The following ACTR3B variants were observed in gnomAD, a reference collection of about 807,000 sequenced individuals.
ACTR3B encodes the protein actin-related protein 3B.
A neutral mutation model predicts 59.0 loss-of-function variants in ACTR3B; 8 were observed. The observed-to-expected ratio is 0.14, with a 90% CI of 0.08 to 0.24. The LOEUF (loss-of-function observed/expected upper bound fraction) is 0.24, where lower values mean the gene tolerates loss of function less well. Ranked by LOEUF, ACTR3B falls within the 10% of genes least tolerant of loss-of-function variation. The probability of loss-of-function intolerance (pLI) is 1.00; values close to 1 mark genes in which losing one functional copy is unlikely to be tolerated. For missense variants in ACTR3B, 245 were observed against 552.3 expected, an observed-to-expected ratio of 0.44 and a Z score of 5.58; for synonymous variants, 148 against 197.9, an observed-to-expected ratio of 0.75 and a Z score of 2.12.
intron 9 of ACTR3B, among the ~76,000 whole-genome samples, chr7:152,828,597 C>T (rs1173459331): frequency 1.3e-5 from 2 of 152,170 alleles, no homozygotes; most frequent in Non-Finnish European, 2.9e-5. Context: ...GGTTAGAAGA[C>T]ATGCTGCAAA....
intron 2 of ACTR3B, among the ~76,000 whole-genome samples, chr7:152,798,709 G>A (rs929082660): frequency 1.3e-5 from 2 of 152,170 alleles, no homozygotes; most frequent in African/African-American, 2.4e-5. Context: ...TTTGTATATG[G>A]TTGAGAGATA....
In ACTR3B at chr7:152,785,380, G is replaced by GAGAGA. The variant is rs1563089766; in HGVS notation, c.100+2138_100+2139insAGAGA. Among the ~76,000 whole-genome samples, 40 of 4,930 alleles carry GAGAGA rather than the reference G, an allele frequency of 8.1e-3. 5 individuals are homozygous for GAGAGA. The highest frequency in any genetic ancestry group is 0.063 in the African/African-American group (39 of 622). The allele number at this position is 4,930 out of a possible 152,430, so 3.2% of individuals were successfully genotyped here. A position where few individuals can be genotyped will look rare whatever the true frequency, so the allele number is the denominator to read the frequency against. On this transcript the variant is annotated intron_variant, in intron 2 of 11. Coordinates refer to ENST00000256001, the MANE Select transcript of ACTR3B (RefSeq NM_020445.6). Reference sequence around the variant, plus strand: ...ATTGTTGGGCTGAGTTTGTTGTGAGGGGGGGGGGAGGGGAGGGGGAGGGGG... The same window carrying GAGAGA: ...ATTGTTGGGCTGAGTTTGTTGTGAGGAGAGAGGGGGGGGAGGGGAGGGGGAGGGGG...
intron 1 of ACTR3B, among the ~76,000 whole-genome samples, chr7:152,778,667 C>T (rs1015624608): frequency 7.3e-5 from 11 of 150,866 alleles, no homozygotes; most frequent in South Asian, 2.1e-4. Flanking sequence ...TAGCTGGGCT[C>T]GGTGGCTCAC....
intron 2 of ACTR3B, among the ~76,000 whole-genome samples, chr7:152,785,511 G>GAGAGAGAGAGGAGAGAGAA (rs1395722210): frequency 8.8e-6 from 1 of 113,054 alleles, no homozygotes; most frequent in East Asian, 3.1e-4. Context: ...GAGAGAGAGA[G>GAGAGAGAGAGGAGAGAGAA]GAGAGAGAAG....
At chr7:152,787,577 G>C (rs550621595) in intron 2 of ACTR3B, among the ~76,000 whole-genome samples, 118 of 152,000 alleles carry the variant, frequency 7.8e-4, no homozygotes, top group Admixed American at 3.1e-3. Flanking sequence ...TGTGAGTATG[G>C]TGTGAAGGAG....
chr7:152,794,825 T>G (rs2098210215), intron 2 of ACTR3B, among the ~76,000 whole-genome samples: 2 of 152,196 alleles, frequency 1.3e-5, no homozygotes, highest in Non-Finnish European at 2.9e-5. Flanking sequence ...CAGCCCGTGT[T>G]TCCACTTCAC....
chr7:152,835,213 A>G (rs1797350992), intron 9 of ACTR3B, among the ~76,000 whole-genome samples: 1 of 152,176 alleles, frequency 6.6e-6, no homozygotes, highest in African/African-American at 2.4e-5. Context: ...TCGTGACTGC[A>G]CTCATTCCCC....
intron 9 of ACTR3B, among the ~76,000 whole-genome samples, chr7:152,847,533 C>T (rs1395153019): frequency 6.6e-6 from 1 of 152,226 alleles, no homozygotes; most frequent in Non-Finnish European, 1.5e-5. Flanking sequence ...ACCCCTGCCC[C>T]CTCCTGCCTG....
intron 9 of ACTR3B, among the ~76,000 whole-genome samples, chr7:152,837,763 GT>G (rs1282948019): frequency 1.3e-5 from 2 of 152,212 alleles, no homozygotes; most frequent in African/African-American, 4.8e-5. Flanking sequence ...GAAATGGTTT[GT>G]CGTAGGCATG....
At chr7:152,851,091 C>T (rs775589522) in intron 9 of ACTR3B, among the ~76,000 whole-genome samples, 1 of 152,142 alleles carries the variant, frequency 6.6e-6, no homozygotes, top group Non-Finnish European at 1.5e-5. Flanking sequence ...CAAATAGTAC[C>T]GAATCCTATA....
intron 9 of ACTR3B, among the ~76,000 whole-genome samples, chr7:152,850,421 A>G (rs1434082961): frequency 1.3e-5 from 2 of 151,308 alleles, no homozygotes; most frequent in African/African-American, 4.9e-5. Flanking sequence ...TTCTCCAGGT[A>G]GGAGGCCAGA....
At chr7:152,806,581 T>G (rs61315563) in intron 4 of ACTR3B, among the ~76,000 whole-genome samples, 14,484 of 152,210 alleles carry the variant, frequency 0.095, 757 homozygotes, top group African/African-American at 0.13. Context: ...GCTTTCATTC[T>G]AAGGATGCCT....
intron 8 of ACTR3B, among the ~76,000 whole-genome samples, chr7:152,823,738 T>TAGG (rs1796366082): frequency 6.6e-6 from 1 of 151,724 alleles, no homozygotes; most frequent in African/African-American, 2.4e-5. Context: ...ATACCACAAA[T>TAGG]AGGAAGACTT....
chr7:152,777,770 G>T (rs1050771730), intron 1 of ACTR3B, among the ~76,000 whole-genome samples: 2 of 152,084 alleles, frequency 1.3e-5, no homozygotes, highest in African/African-American at 4.8e-5. Flanking sequence ...GGCCAACGTG[G>T]TGAAACCCCG....
intron 6 of ACTR3B, among the ~76,000 whole-genome samples, 169 bp from the exon 7 acceptor site, chr7:152,820,130 A>C (rs779104697): frequency 1.9e-4 from 29 of 152,322 alleles, no homozygotes; most frequent in African/African-American, 5.8e-4. Context: ...ATATGCAGTC[A>C]TTTTGAAAGA....
At chr7:152,772,587 A>G (rs914431980) in intron 1 of ACTR3B, among the ~76,000 whole-genome samples, 1 of 150,986 alleles carries the variant, frequency 6.6e-6, no homozygotes, top group Non-Finnish European at 1.5e-5. Flanking sequence ...TTGGATTGAA[A>G]TGTCATTAAA....
intron 1 of ACTR3B, among the ~76,000 whole-genome samples, chr7:152,765,708 G>A (rs1284230948): frequency 6.6e-6 from 1 of 152,104 alleles, no homozygotes; most frequent in Non-Finnish European, 1.5e-5. Flanking sequence ...CTGGGAGTGG[G>A]TGGAAGTGTG....
At chr7:152,812,836 G>A (rs1341608221) in intron 4 of ACTR3B, 1 of 100,168 alleles carries the variant, frequency 1.0e-5, no homozygotes, top group African/African-American at 3.6e-5. Flanking sequence ...TAGTCTACTC[G>A]GCTGCTGTAA....
intron 6 of ACTR3B, among the ~76,000 whole-genome samples, chr7:152,819,143 C>G (rs1795951192): frequency 6.6e-6 from 1 of 152,144 alleles, no homozygotes; most frequent in South Asian, 2.1e-4. Context: ...ATACTTTTAT[C>G]TCCATCTTAA....
Sources: gnomAD v4.1 joint callset for allele counts (sites outside exome capture counted in the v4.1 genomes callset) on GRCh38, gnomAD v4.1.1 for gene constraint, MANE v1.5 for transcripts, NCBI Gene and HGNC (gene_info 2026-07-23, HGNC 2026-07-21) for gene names.